The following RIMS3 variants were observed in gnomAD, a reference collection of about 807,000 sequenced individuals.
RIMS3 encodes regulating synaptic membrane exocytosis protein 3.
Under a neutral mutation model 29.2 loss-of-function variants are expected in RIMS3, and 15 were observed. The observed-to-expected ratio is 0.51, with a 90% CI of 0.34 to 0.79. The LOEUF (loss-of-function observed/expected upper bound fraction) is 0.79, where lower values mean the gene tolerates loss of function less well. Among genes scored for constraint, RIMS3 ranks in the 30% least tolerant of loss-of-function variants. The pLI is 0.01. For missense variants in RIMS3, 342 were observed against 421.4 expected (o/e 0.81, Z 1.65); for synonymous variants, 161 against 170.1 (o/e 0.95, Z 0.41).
upstream of RIMS3, among the ~76,000 whole-genome samples, chr1:40,670,246 G>C (rs1355947651): frequency 2.0e-5 from 3 of 151,948 alleles, no homozygotes; most frequent in Admixed American, 2.0e-4. Context: ...AAGCCTATGG[G>C]GGTGACAGAC....
rs891815881 is a variant in RIMS3 at position 40,635,988 on chromosome 1, C to T, written c.287G>A (p.Arg96Gln). The T allele has an allele frequency of 3.4e-5, 54 of 1,610,396 alleles. 2 individuals carry two copies. The Admixed American group carries it at 6.3e-4, about 19-fold the overall frequency. The change falls in exon 4 of 8, where the codon CGG (arginine) becomes CAG (glutamine). Residue 96 changes from arginine (R) to glutamine (Q), a missense_variant. Physicochemically the swap from Arg to Gln is conservative, Grantham distance 43. Transcript: ENST00000372684. This position sits in a 1 kb window ranked among gnomAD's most constrained non-coding sequence, Gnocchi z 4.1. Reference sequence around the variant, plus strand: ...GCTGCCCTGGCGTGTGACCCGGCTCCGCATCTCCACCGCGATGCCTGTCTC... The same window carrying T: ...GCTGCCCTGGCGTGTGACCCGGCTCTGCATCTCCACCGCGATGCCTGTCTC... ...STETGIAVEM[R>Q]SRVTRQGSRE...
chr1:40,638,175 G>A (rs748488298), intron 3 of RIMS3, among the ~76,000 whole-genome samples: 22 of 152,132 alleles, frequency 1.4e-4, no homozygotes, highest in Non-Finnish European at 8.8e-5. Flanking sequence ...TTCAGGTGCC[G>A]AGAGAGCTGG....
At chr1:40,666,004 C>T (rs554022122), upstream of RIMS3, among the ~76,000 whole-genome samples, 2 of 152,188 alleles carry the variant, frequency 1.3e-5, no homozygotes, top group East Asian at 1.9e-4. Flanking sequence ...ACAGGCACCA[C>T]GGCGCCCCCT....
chr1:40,678,271 A>G, the RIMS3 span, among the ~76,000 whole-genome samples: 1 of 152,082 alleles, frequency 6.6e-6, no homozygotes, highest in Non-Finnish European at 1.5e-5. Context: ...AGCTTGGTGT[A>G]GTGGCGCACG....
upstream of RIMS3, among the ~76,000 whole-genome samples, chr1:40,666,187 A>T (rs545086299): frequency 6.6e-6 from 1 of 152,340 alleles, no homozygotes; most frequent in South Asian, 2.1e-4. Context: ...TTCAGACAGA[A>T]GGAAGTAGAG....
the RIMS3 span, among the ~76,000 whole-genome samples, chr1:40,671,546 A>G: frequency 1.3e-5 from 2 of 152,022 alleles, no homozygotes; most frequent in African/African-American, 4.8e-5. Flanking sequence ...GTGAGTTCTC[A>G]TGAGATCCAG....
At chr1:40,691,444 C>T in the RIMS3 span, 2 of 267,270 alleles carry the variant, frequency 7.5e-6, no homozygotes, top group Non-Finnish European at 7.5e-6. Context: ...AAGCTCGCAC[C>T]AAGGAGATCC....
At chr1:40,649,192 C>A (rs888591565) in intron 1 of RIMS3, among the ~76,000 whole-genome samples, 1 of 152,148 alleles carries the variant, frequency 6.6e-6, no homozygotes, top group African/African-American at 2.4e-5. Flanking sequence ...CACAGACACA[C>A]ACACACACAC....
At chr1:40,629,209 C>T (rs1458326724) in intron 6 of RIMS3, 62 bp downstream of exon 6, 2 of 1,418,680 alleles carry the variant, frequency 1.4e-6, no homozygotes, top group South Asian at 1.2e-5. Flanking sequence ...TGAGGACCTG[C>T]TAGACCCAGA....
At chr1:40,655,287 T>C (rs1466524347) in intron 1 of RIMS3, among the ~76,000 whole-genome samples, 1 of 152,084 alleles carries the variant, frequency 6.6e-6, no homozygotes, top group Non-Finnish European at 1.5e-5. Context: ...CACTGCTCCC[T>C]AGGCCTCCCT....
At chr1:40,651,514 G>A (rs1209598113) in intron 1 of RIMS3, among the ~76,000 whole-genome samples, 2 of 152,190 alleles carry the variant, frequency 1.3e-5, no homozygotes, top group Non-Finnish European at 2.9e-5. Context: ...AAGCCACCCT[G>A]TTTGTGGCGC....
chr1:40,688,468 T>C, the RIMS3 span, among the ~76,000 whole-genome samples: 1 of 151,912 alleles, frequency 6.6e-6, no homozygotes, highest in African/African-American at 2.4e-5. Flanking sequence ...TTCCTGGGGG[T>C]AGGGGGTGTC....
At chr1:40,649,727 C>A (rs895762976) in intron 1 of RIMS3, among the ~76,000 whole-genome samples, 2 of 152,202 alleles carry the variant, frequency 1.3e-5, no homozygotes, top group African/African-American at 4.8e-5. Context: ...TGGCAGGGAG[C>A]AGCTGCTGTC....
rs1224570801 is a variant in RIMS3 at position 40,621,660 on chromosome 1, C to G, written c.*4857G>C. ...AGTTGAGGCCCAGAAAAGTGAGGAGCCTTACCCAAGGTCACAGTTTCTGGT... is the reference window on the plus strand; with the variant it reads ...AGTTGAGGCCCAGAAAAGTGAGGAGGCTTACCCAAGGTCACAGTTTCTGGT... On this transcript the variant is annotated 3_prime_UTR_variant, in exon 8 of 8. Transcript: ENST00000372684. 1 of 152,244 alleles carries G rather than the reference C, an allele frequency of 6.6e-6. No homozygotes were observed. Among genetic ancestry groups the G allele is most frequent in the Non-Finnish European group, 1.5e-5 (1 of 68,068 alleles). 9.4% of individuals were successfully genotyped at this position (152,244 alleles called of 1,614,324 possible).
rs200594760 is a variant in RIMS3 at position 40,626,578 on chromosome 1, G to T, written c.866C>A (p.Ser289Tyr). The T allele has an allele frequency of 1.5e-5, 24 of 1,613,838 alleles. No individual in the cohort carries two copies. The highest frequency in any genetic ancestry group is 2.0e-5 in the Non-Finnish European group (24 of 1,179,960). ...AGACTGGGACAGGCGCCTGGTGAGG[G>T]ATCCGAGTGTGGAGTCTGCCACTGA... ...TSSVADSTLG[S>Y]LTRRLSQSSL... The change falls in exon 8 of 8, where the codon TCC becomes TAC. Residue 289 changes from serine to tyrosine, a missense_variant. Transcript: ENST00000372684.
At position 40,651,593 on chromosome 1, in the gene RIMS3, C is replaced by A. The variant is rs183030962; in HGVS notation, c.-206-3751G>T. 5.8e-4 allele frequency among the ~76,000 whole-genome samples: 89 copies of A among 152,322 alleles called. 1 individual carries two copies. In the East Asian group the frequency reaches 0.014, roughly 24 times the overall value. Reference sequence around the variant, plus strand: ...ACTTGTTCCGTACTTGTCTCCCACACCCCGCCCCCTGGCTGTGAGCTGGTT... The same window carrying A: ...ACTTGTTCCGTACTTGTCTCCCACAACCCGCCCCCTGGCTGTGAGCTGGTT... On this transcript the variant is annotated intron_variant, in intron 1 of 7. Coordinates refer to ENST00000372684, the MANE Select transcript of RIMS3 (RefSeq NM_014747.3).
In RIMS3 at chr1:40,624,199, G is replaced by A. The variant is rs1646439704; in HGVS notation, c.*2318C>T. ...AGGGTATGGGTAGCCCCCACTTCCT[G>A]GGGTGACTGCTGGTCTGGGTATCAC... is the stretch of plus-strand genomic sequence containing the variant. On this transcript the variant is annotated 3_prime_UTR_variant, in exon 8 of 8. Coordinates refer to ENST00000372684, the MANE Select transcript of RIMS3 (RefSeq NM_014747.3). 1 of 152,212 alleles carries A rather than the reference G, an allele frequency of 6.6e-6. No individual in the cohort carries two copies. Among genetic ancestry groups the A allele is most frequent in the Non-Finnish European group, 1.5e-5 (1 of 68,084 alleles). The allele number at this position is 152,212 out of a possible 1,614,324, so 9.4% of individuals were successfully genotyped here.
At chr1:40,672,888 C>G in the RIMS3 span, among the ~76,000 whole-genome samples, 1 of 148,284 alleles carries the variant, frequency 6.7e-6, no homozygotes, top group Non-Finnish European at 1.5e-5. Context: ...AAAAAAAGGC[C>G]GGGCATGGTG....
At position 40,626,381 on chromosome 1, in the gene RIMS3, T is replaced by C; in HGVS notation, c.*136A>G. ...ACACACTACAGTCTCCACTGCCAGC[T>C]GGGATGAGCCCAGTAGCCAACAGGC... On this transcript the variant is annotated 3_prime_UTR_variant, in exon 8 of 8. Transcript: ENST00000372684. The C allele has an allele frequency of 1.2e-6, 1 of 802,844 alleles. No individual in the cohort carries two copies. Among genetic ancestry groups the C allele is most frequent in the East Asian group, 2.7e-5 (1 of 37,592 alleles). The allele number at this position is 802,844 out of a possible 1,614,324, so 49.7% of individuals were successfully genotyped here.
Sources: gnomAD v4.1 joint callset for allele counts (sites outside exome capture counted in the v4.1 genomes callset) on GRCh38, gnomAD v4.1.1 for gene constraint, Gnocchi (gnomAD v3.1) non-coding constraint, MANE v1.5 for transcripts, NCBI Gene and HGNC (gene_info 2026-07-23, HGNC 2026-07-21) for gene names.